Variants in KCNH7 observed in about 807,000 individuals in gnomAD.
KCNH7 encodes the protein potassium voltage-gated channel subfamily H member 7.
In KCNH7, 49 loss-of-function variants were observed where a neutral mutation model predicts 120.8. The observed-to-expected ratio is 0.41, with a 90% CI of 0.32 to 0.51. The LOEUF (loss-of-function observed/expected upper bound fraction) is 0.51, where lower values mean the gene tolerates loss of function less well. Ranked by LOEUF, KCNH7 falls within the 20% of genes least tolerant of loss-of-function variation. The probability of loss-of-function intolerance (pLI) is 0.38; values close to 1 mark genes in which losing one functional copy is unlikely to be tolerated. For missense variants in KCNH7, 1,097 were observed against 1,446.6 expected (o/e 0.76, Z 3.92); for synonymous variants, 547 against 516.1 (o/e 1.06, Z -0.81).
chr2:162,692,097 A>T (rs1032065750), intron 2 of KCNH7, among the ~76,000 whole-genome samples: 1 of 151,928 alleles, frequency 6.6e-6, no homozygotes, highest in Non-Finnish European at 1.5e-5. Context: ...GTGTAAGGGA[A>T]ATTAATGTTG....
At chr2:162,592,424 G>A (rs1694241033) in intron 2 of KCNH7, among the ~76,000 whole-genome samples, 1 of 150,452 alleles carries the variant, frequency 6.6e-6, no homozygotes, top group Non-Finnish European at 1.5e-5. Flanking sequence ...GGAAAAGCAA[G>A]GGGCACACTT....
At chr2:162,782,394 G>A (rs921783863) in intron 2 of KCNH7, among the ~76,000 whole-genome samples, 5 of 152,194 alleles carry the variant, frequency 3.3e-5, no homozygotes, top group Admixed American at 1.3e-4. Context: ...AGAAAGACCA[G>A]AAAAAGGTGA....
intron 2 of KCNH7, among the ~76,000 whole-genome samples, chr2:162,611,387 T>C (rs1176718364): frequency 1.3e-5 from 2 of 152,164 alleles, no homozygotes; most frequent in Non-Finnish European, 1.5e-5. Flanking sequence ...CTCTAGACTT[T>C]GACTTTTGCC....
At chr2:162,713,197 G>A (rs1574296388) in intron 2 of KCNH7, among the ~76,000 whole-genome samples, 1 of 152,090 alleles carries the variant, frequency 6.6e-6, no homozygotes. Flanking sequence ...AGACATAGAC[G>A]ACGTATTTAC....
At chr2:162,590,285 G>C (rs564532317) in intron 2 of KCNH7, among the ~76,000 whole-genome samples, 3 of 152,044 alleles carry the variant, frequency 2.0e-5, no homozygotes, top group Non-Finnish European at 4.4e-5. Context: ...GCATTTATCC[G>C]AGTGCATCTG....
intron 2 of KCNH7, among the ~76,000 whole-genome samples, chr2:162,817,132 C>T (rs1192753976): frequency 6.6e-6 from 1 of 152,040 alleles, no homozygotes; most frequent in East Asian, 1.9e-4. Flanking sequence ...AGATTTGAAC[C>T]AATGCATAGA....
At chr2:162,711,017 TATAAG>T (rs1686910467) in intron 2 of KCNH7, among the ~76,000 whole-genome samples, 1 of 152,166 alleles carries the variant, frequency 6.6e-6, no homozygotes, top group African/African-American at 2.4e-5. Context: ...AAACTTAACC[TATAAG>T]ATGTTTAAAA....
intron 2 of KCNH7, among the ~76,000 whole-genome samples, chr2:162,578,052 C>T (rs1210874327): frequency 6.6e-6 from 1 of 151,954 alleles, no homozygotes; most frequent in Non-Finnish European, 1.5e-5. Flanking sequence ...ATCCATGATC[C>T]TTCCACTAGT....
intron 2 of KCNH7, among the ~76,000 whole-genome samples, chr2:162,774,976 T>C (rs1033239736): frequency 1.3e-5 from 2 of 152,202 alleles, no homozygotes; most frequent in African/African-American, 4.8e-5. Context: ...AATTACAAGA[T>C]GTTAATTTGT....
At chr2:162,740,391 T>G (rs1410642646) in intron 2 of KCNH7, among the ~76,000 whole-genome samples, 1 of 152,180 alleles carries the variant, frequency 6.6e-6, no homozygotes. Context: ...AGCCCACGGC[T>G]TCTTCCAGGC....
chr2:162,817,414 T>A (rs1573925132), intron 2 of KCNH7, among the ~76,000 whole-genome samples: 1 of 152,172 alleles, frequency 6.6e-6, no homozygotes, highest in Non-Finnish European at 1.5e-5. Context: ...TATTATTGAT[T>A]GGTGTACCAT....
intron 2 of KCNH7, among the ~76,000 whole-genome samples, chr2:162,731,940 G>C (rs1687744385): frequency 6.6e-6 from 1 of 152,120 alleles, no homozygotes; most frequent in Non-Finnish European, 1.5e-5. Context: ...TTAGAAACTT[G>C]AACTGTTAAC....
At position 162,429,383 on chromosome 2, in the gene KCNH7, C is replaced by CTTTTTTTTTTTTTTTTTTT. The variant is rs60854157; in HGVS notation, c.1954+5796_1954+5814dup. On this transcript the variant is annotated intron_variant, in intron 8 of 15. Coordinates refer to ENST00000332142, the MANE Select transcript of KCNH7 (RefSeq NM_033272.4). ...AGACATTTAGAAATGAGGAAAAAGT[C>CTTTTTTTTTTTTTTTTTTT]TTTTTTTTTTTTTTTTTTTTTTACT... Among the ~76,000 whole-genome samples the CTTTTTTTTTTTTTTTTTTT allele has an allele frequency of 4.5e-4, 39 of 86,240 alleles. 6 individuals are homozygous for CTTTTTTTTTTTTTTTTTTT. The highest frequency in any genetic ancestry group is 2.3e-3 in the African/African-American group (37 of 15,974). 56.6% of individuals were successfully genotyped at this position (86,240 alleles called of 152,430 possible).
At chr2:162,648,050 C>G (rs981047545) in intron 2 of KCNH7, among the ~76,000 whole-genome samples, 3 of 152,020 alleles carry the variant, frequency 2.0e-5, no homozygotes, top group Non-Finnish European at 4.4e-5. Flanking sequence ...AATGAATTAC[C>G]TATTATAAAC....
At chr2:162,673,258 T>A (rs1685422226) in intron 2 of KCNH7, among the ~76,000 whole-genome samples, 1 of 152,202 alleles carries the variant, frequency 6.6e-6, no homozygotes, top group South Asian at 2.1e-4. Context: ...GTATCACTCA[T>A]GGATATATGG....
chr2:162,654,154 A>G (rs1356992743), intron 2 of KCNH7, among the ~76,000 whole-genome samples: 2 of 151,816 alleles, frequency 1.3e-5, no homozygotes, highest in African/African-American at 4.8e-5. Flanking sequence ...AATGGATGAA[A>G]TCCAAAAAAA....
intron 2 of KCNH7, among the ~76,000 whole-genome samples, chr2:162,777,559 T>A: frequency 6.6e-6 from 1 of 152,156 alleles, no homozygotes; most frequent in Non-Finnish European, 1.5e-5. Context: ...GACGAATATA[T>A]GTTGAGCATC....
intron 2 of KCNH7, among the ~76,000 whole-genome samples, chr2:162,585,916 A>C (rs945380813): frequency 6.6e-6 from 1 of 152,054 alleles, no homozygotes. Flanking sequence ...CCACAGAATG[A>C]TTTGTCCAGA....
At chr2:162,473,563 A>G (rs1348285756) in intron 6 of KCNH7, among the ~76,000 whole-genome samples, 1 of 152,202 alleles carries the variant, frequency 6.6e-6, no homozygotes, top group Non-Finnish European at 1.5e-5. Context: ...GAAGAAATGA[A>G]GAAGGAGACT....
Sources: allele counts gnomAD v4.1 joint callset (sites outside exome capture counted in the v4.1 genomes callset), GRCh38; gene constraint gnomAD v4.1.1; transcripts MANE v1.5; gene names NCBI Gene and HGNC (gene_info 2026-07-23, HGNC 2026-07-21).